SRPK2: variants seen among roughly 807,000 people sequenced by gnomAD.
SRPK2 encodes SRSF protein kinase 2, also known as SFRS protein kinase 2.
A neutral mutation model predicts 90.8 loss-of-function variants in SRPK2; 21 were observed. The ratio of observed to expected loss-of-function variants is 0.23; its 90% CI spans 0.16 to 0.33. SRPK2 has a LOEUF of 0.33. Ranked by LOEUF, SRPK2 falls within the 10% of genes least tolerant of loss-of-function variation. SRPK2 has a pLI of 1.00. For synonymous variants in SRPK2, 288 were observed against 311.1 expected (o/e 0.93, Z 0.78); for missense variants, 620 against 869.0 (o/e 0.71, Z 3.60).
intron 2 of SRPK2, among the ~76,000 whole-genome samples, chr7:105,353,999 C>T (rs535572037): frequency 6.6e-6 from 1 of 152,320 alleles, no homozygotes; most frequent in South Asian, 2.1e-4. Context: ...GGCTGTCACA[C>T]AACAGATGCA....
intron 2 of SRPK2, among the ~76,000 whole-genome samples, chr7:105,383,653 C>T (rs578076538): frequency 6.6e-6 from 1 of 151,870 alleles, no homozygotes; most frequent in Non-Finnish European, 1.5e-5. Flanking sequence ...CTATTGACCT[C>T]GTGATCCGCC....
At chr7:105,147,379 A>G (rs757958) in intron 7 of SRPK2, among the ~76,000 whole-genome samples, 125,043 of 151,854 alleles carry the variant, frequency 0.82, 52,298 homozygotes, top group Non-Finnish European at 0.88. Flanking sequence ...GTGCAGTGGC[A>G]CAATCTTGGC....
intron 2 of SRPK2, among the ~76,000 whole-genome samples, chr7:105,281,667 GTA>G (rs1491330894): frequency 6.5e-5 from 7 of 107,030 alleles, no homozygotes; most frequent in African/African-American, 1.1e-4. Flanking sequence ...TGTTGCTAAG[GTA>G]AAAAAAAAAA....
At chr7:105,187,111 A>G (rs1012207694) in intron 3 of SRPK2, among the ~76,000 whole-genome samples, 1 of 152,210 alleles carries the variant, frequency 6.6e-6, no homozygotes, top group African/African-American at 2.4e-5. Context: ...AAAGGGGTTT[A>G]AGGCTAAGTT....
intron 2 of SRPK2, among the ~76,000 whole-genome samples, chr7:105,222,109 A>T (rs1375322972): frequency 2.0e-5 from 3 of 152,214 alleles, no homozygotes; most frequent in Non-Finnish European, 4.4e-5. Context: ...TGTGAAAAAC[A>T]TCTTTAATCA....
intron 3 of SRPK2, among the ~76,000 whole-genome samples, chr7:105,196,408 T>TA (rs1291730073): frequency 2.6e-5 from 4 of 152,184 alleles, no homozygotes; most frequent in Admixed American, 6.5e-5. Flanking sequence ...ACCATTTTAA[T>TA]AGACAAAAAC....
rs532100169 is a variant in SRPK2, at chr7:105,398,701, C to G, written n.153+455G>C. Among the ~76,000 whole-genome samples the G allele has an allele frequency of 3.9e-4, 59 of 152,204 alleles. 1 individual carries two copies. In the South Asian group the frequency reaches 0.011, roughly 29 times the overall value. ...GCCCATTCAATTATGAAGCTTAAAC[C>G]TGTCTTTTGTTGTTTCACTATAGCG... On this transcript the variant is annotated intron_variant and non_coding_transcript_variant, in intron 1 of 3. Transcript: ENST00000462282.
At chr7:105,326,709 G>A (rs919005173) in intron 2 of SRPK2, among the ~76,000 whole-genome samples, 1 of 152,170 alleles carries the variant, frequency 6.6e-6, no homozygotes. Flanking sequence ...TTTCTTTCCT[G>A]CTAAAAGCAT....
chr7:105,323,689 C>G (rs1813196542), intron 2 of SRPK2, among the ~76,000 whole-genome samples: 1 of 152,162 alleles, frequency 6.6e-6, no homozygotes, highest in Admixed American at 6.5e-5. Flanking sequence ...AATAGTGTTT[C>G]TTGCCTTTTA....
chr7:105,397,555 C>A (rs1340822413), intron 1 of SRPK2, among the ~76,000 whole-genome samples: 1 of 151,662 alleles, frequency 6.6e-6, no homozygotes, highest in Non-Finnish European at 1.5e-5. Context: ...GTCTCGAACT[C>A]CTCACCTTGT....
chr7:105,251,415 G>A (rs1416129514), intron 2 of SRPK2, among the ~76,000 whole-genome samples: 1 of 151,994 alleles, frequency 6.6e-6, no homozygotes, highest in Non-Finnish European at 1.5e-5. Flanking sequence ...TGTTACCCAG[G>A]CTGGTCTTGA....
intron 9 of SRPK2, among the ~76,000 whole-genome samples, chr7:105,144,361 C>A (rs1804241660): frequency 6.6e-6 from 1 of 151,932 alleles, no homozygotes; most frequent in Non-Finnish European, 1.5e-5. Context: ...CTGCCTTAGC[C>A]TCCTGAGTAG....
intron 13 of SRPK2, 133 bp downstream of exon 13, chr7:105,132,658 C>CA: frequency 1.5e-6 from 1 of 684,642 alleles, no homozygotes; most frequent in Non-Finnish European, 2.4e-6. Context: ...ACCTTCCCCT[C>CA]ACCCAGCCCA....
At chr7:105,253,563 A>G (rs1278523318) in intron 2 of SRPK2, among the ~76,000 whole-genome samples, 1 of 152,140 alleles carries the variant, frequency 6.6e-6, no homozygotes, top group Admixed American at 6.6e-5. Context: ...GAGTTTCAAG[A>G]TGGTGCCACA....
At chr7:105,352,853 T>C (rs1034799145) in intron 2 of SRPK2, among the ~76,000 whole-genome samples, 35 of 152,068 alleles carry the variant, frequency 2.3e-4, no homozygotes, top group Non-Finnish European at 2.6e-4. Context: ...TGAGCCAAGA[T>C]TGCACCAGTG....
At chr7:105,132,431 A>G (rs536034054) in intron 13 of SRPK2, among the ~76,000 whole-genome samples, 1 of 152,312 alleles carries the variant, frequency 6.6e-6, no homozygotes, top group East Asian at 1.9e-4. Context: ...CTTCCTCCAC[A>G]GTGTGAGTGA....
chr7:105,125,706 GC>G (rs1193374788), intron 15 of SRPK2: 1 of 565,124 alleles, frequency 1.8e-6, no homozygotes, highest in African/African-American at 2.0e-5. Flanking sequence ...TTTCTCCACT[GC>G]CCAATCACGA....
At chr7:105,282,937 A>T (rs114876944) in intron 2 of SRPK2, among the ~76,000 whole-genome samples, 2,020 of 152,238 alleles carry the variant, frequency 0.013, 51 homozygotes, top group African/African-American at 0.045. Context: ...AGAACTCTTA[A>T]CAATCAATTT....
intron 2 of SRPK2, among the ~76,000 whole-genome samples, chr7:105,336,607 G>C (rs190532669): frequency 6.6e-6 from 1 of 152,186 alleles, no homozygotes; most frequent in East Asian, 1.9e-4. Flanking sequence ...TTACTCTATA[G>C]CAATCTCTCC....
Sources: allele counts gnomAD v4.1 joint callset (sites outside exome capture counted in the v4.1 genomes callset), GRCh38; gene constraint gnomAD v4.1.1; transcripts MANE v1.5; gene names NCBI Gene and HGNC (gene_info 2026-07-23, HGNC 2026-07-21).